Variants in ACSL6 observed in about 807,000 individuals in gnomAD.
The protein encoded by ACSL6 is acyl-CoA synthetase long chain family member 6, also known as long-chain-fatty-acid--CoA ligase 6.
Under a neutral mutation model 98.2 loss-of-function variants are expected in ACSL6, and 47 were observed. The observed-to-expected ratio is 0.48, with a 90% CI of 0.38 to 0.61. The LOEUF is 0.61. ACSL6 is among the 20% of genes least tolerant of loss of function. The probability of loss-of-function intolerance (pLI) is 0.00; values close to 1 mark genes in which losing one functional copy is unlikely to be tolerated. For synonymous variants in ACSL6, 362 were observed against 336.9 expected, an observed-to-expected ratio of 1.07 and a Z score of -0.82; for missense variants, 761 against 913.4, an observed-to-expected ratio of 0.83 and a Z score of 2.15.
intron 9 of ACSL6, chr5:131,982,431 C>A (rs1234068910): frequency 6.6e-6 from 1 of 152,246 alleles, no homozygotes; most frequent in Non-Finnish European, 1.5e-5. Flanking sequence ...GCGTGAGCCA[C>A]CGCGCCCGGG....
chr5:131,989,176 C>T (rs748678983), intron 5 of ACSL6, among the ~76,000 whole-genome samples: 1 of 152,038 alleles, frequency 6.6e-6, no homozygotes, highest in Non-Finnish European at 1.5e-5. Flanking sequence ...TCCCCATTGG[C>T]TCAAGGGGCA....
chr5:131,991,399 T>C (rs1754505368), intron 2 of ACSL6, among the ~76,000 whole-genome samples: 1 of 152,178 alleles, frequency 6.6e-6, no homozygotes, highest in African/African-American at 2.4e-5. Context: ...GCTATGCCCC[T>C]GAGTTAAGGA....
At chr5:131,960,874 T>C (rs2149689321) in intron 18 of ACSL6, 3 of 331,364 alleles carry the variant, frequency 9.1e-6, no homozygotes. Flanking sequence ...CACCTTTGAT[T>C]CTCATGCCAA....
intron 13 of ACSL6, 28 bp from the exon 14 acceptor site, chr5:131,971,673 T>C (rs1374576991): frequency 6.4e-7 from 1 of 1,573,924 alleles, no homozygotes; most frequent in African/African-American, 1.4e-5. Flanking sequence ...AGCTGCCAAA[T>C]TTTGTGATGT....
At chr5:131,984,904 C>T (rs974631772) in intron 9 of ACSL6, 1 of 192,794 alleles carries the variant, frequency 5.2e-6, no homozygotes, top group African/African-American at 2.3e-5. Flanking sequence ...CCTTTAGCCA[C>T]CCTCATGGCA....
upstream of ACSL6, chr5:132,012,168 G>A: frequency 2.2e-6 from 1 of 458,422 alleles, no homozygotes; most frequent in South Asian, 4.6e-5. Flanking sequence ...TGCAGACATG[G>A]GGAGCCTCCG....
At chr5:131,985,534 A>G (rs1467757583) in intron 8 of ACSL6, 76 bp from the exon 9 acceptor site, 3 of 1,505,216 alleles carry the variant, frequency 2.0e-6, no homozygotes, top group Non-Finnish European at 1.8e-6. Context: ...TGGGCTCCCC[A>G]ACCAGCCAGG....
chr5:131,960,481 A>G (rs755868722), intron 19 of ACSL6, 39 bp downstream of exon 19: 1 of 1,558,384 alleles, frequency 6.4e-7, no homozygotes, highest in Admixed American at 1.8e-5. Context: ...ACCATAAAAC[A>G]TTCAGTAACC....
intron 1 of ACSL6, among the ~76,000 whole-genome samples, chr5:132,008,960 T>C (rs942293892): frequency 6.6e-6 from 1 of 152,246 alleles, no homozygotes; most frequent in African/African-American, 2.4e-5. Context: ...CTGCTCCCAT[T>C]GTCCTCTAGG....
rs1752195647 is a variant in ACSL6, at chr5:131,952,243, G to A, written c.*1991C>T. 1 of 194,086 alleles carries A rather than the reference G, an allele frequency of 5.2e-6. No individual in the cohort carries two copies. The highest frequency in any genetic ancestry group is 2.3e-5 in the African/African-American group (1 of 43,274). 12.0% of individuals were successfully genotyped at this position (194,086 alleles called of 1,614,324 possible). On this transcript the variant is annotated 3_prime_UTR_variant, in exon 21 of 21. Coordinates refer to ENST00000651883, the MANE Select transcript of ACSL6 (RefSeq NM_001009185.3). ...TTCAGAAACGCCTTTAAAAATCAGT[G>A]TGTATAGAACTAGCTCATTTCTTAA...
intron 9 of ACSL6, 41 bp from the exon 10 acceptor site, chr5:131,976,762 A>C: frequency 2.4e-4 from 372 of 1,565,272 alleles, no homozygotes; most frequent in Non-Finnish European, 3.0e-4. Context: ...TTGGAAACTC[A>C]AGGGCCACTT....
At position 131,973,276 on chromosome 5, in the gene ACSL6, A is replaced by G. The variant is rs1233815128; in HGVS notation, c.1193T>C (p.Met398Thr). The G allele has an allele frequency of 6.2e-7, 1 of 1,614,096 alleles. No homozygotes were observed. Among genetic ancestry groups the G allele is most frequent in the African/African-American group, 1.3e-5 (1 of 75,050 alleles). ...CCCTGCAGAACTTACCTTGTCGTACATCCGGTTCAGCAGTCGTGGGACCAC... is the reference window on the plus strand; with the variant it reads ...CCCTGCAGAACTTACCTTGTCGTACGTCCGGTTCAGCAGTCGTGGGACCAC... ...FPVVPRLLNR[M>T]YDKIFSQANT... is the part of the protein sequence containing the mutation. The change falls in exon 12 of 21, where the codon ATG (methionine) becomes ACG (threonine). Residue 398 changes from methionine to threonine, a missense_variant. Transcript: ENST00000651883.
In ACSL6 at chr5:131,974,986, A is replaced by G. The variant is rs976676677; in HGVS notation, c.991-16T>C. 4 of 1,612,682 alleles carry G rather than the reference A, an allele frequency of 2.5e-6. No homozygotes were observed. Among genetic ancestry groups the G allele is most frequent in the Non-Finnish European group, 2.5e-6 (3 of 1,179,270 alleles). ...AGATCACTTTCTGCAGGCGACGGGCATGGGAGACAGAAAGGAAAGAAACAC... is the reference window on the plus strand; with the variant it reads ...AGATCACTTTCTGCAGGCGACGGGCGTGGGAGACAGAAAGGAAAGAAACAC... On this transcript the variant is annotated splice_polypyrimidine_tract_variant and intron_variant, in intron 10 of 20. Transcript: ENST00000651883.
intron 1 of ACSL6, among the ~76,000 whole-genome samples, chr5:132,008,371 C>G (rs1407861616): frequency 2.0e-5 from 3 of 152,222 alleles, no homozygotes; most frequent in Non-Finnish European, 4.4e-5. Context: ...CATGCCAAAC[C>G]ATTCTTTAGA....
rs1753417234 is a variant in ACSL6 at position 131,973,293 on chromosome 5, T to C, written c.1176A>G (p.Pro392=). Residue 392 remains proline (P), a synonymous_variant, in exon 12 of 21, where the codon CCA becomes CCG. Transcript: ENST00000651883. ...TGTCGTACATCCGGTTCAGCAGTCG[T>C]GGGACCACAGGGAAGATGGTGGGGC... ...ALCPTIFPVV[P]RLLNRMYDKI... is the part of the protein sequence containing the mutation. 6.2e-7 allele frequency: 1 copy of C among 1,614,144 alleles called. No homozygotes were observed. The highest frequency in any genetic ancestry group is 8.5e-7 in the Non-Finnish European group (1 of 1,180,020).
chr5:131,969,976 C>A (rs1753216479), intron 15 of ACSL6, 152 bp downstream of exon 15: 1 of 705,684 alleles, frequency 1.4e-6, no homozygotes, highest in Admixed American at 2.2e-5. Flanking sequence ...TGCCACAACC[C>A]AGACATAACC....
At chr5:131,955,627 G>T (rs1752364709) in intron 20 of ACSL6, among the ~76,000 whole-genome samples, 1 of 152,186 alleles carries the variant, frequency 6.6e-6, no homozygotes, top group African/African-American at 2.4e-5. Context: ...GAGGAAAAGT[G>T]TGTGTGTAGA....
chr5:131,999,737 C>G (rs1477318763), intron 1 of ACSL6: 1 of 152,340 alleles, frequency 6.6e-6, no homozygotes, highest in Admixed American at 6.5e-5. Flanking sequence ...CCCGCCAGCC[C>G]CACCTCCATC....
In ACSL6 at chr5:132,011,400, G is replaced by A; in HGVS notation, c.49+105C>T. ...TTGACGGGACAGCTCAGCAGCAGGG[G>A]ATGGGGGCTCGGCGGCCGCGGAGAT... On this transcript the variant is annotated intron_variant, in intron 1 of 20. Transcript: ENST00000651883. This position sits in a 1 kb window ranked among gnomAD's most constrained non-coding sequence, Gnocchi z 5.4. 8.0e-7 allele frequency: 1 copy of A among 1,243,346 alleles called. No individual in the cohort carries two copies. The allele number at this position is 1,243,346 out of a possible 1,614,324, so 77.0% of individuals were successfully genotyped here.
Sources: gnomAD v4.1 joint callset for allele counts (sites outside exome capture counted in the v4.1 genomes callset) on GRCh38, gnomAD v4.1.1 for gene constraint, Gnocchi (gnomAD v3.1) non-coding constraint, MANE v1.5 for transcripts, NCBI Gene and HGNC (gene_info 2026-07-23, HGNC 2026-07-21) for gene names.